Variants in COL6A3 observed in about 807,000 individuals in gnomAD.
The protein encoded by COL6A3 is collagen type VI alpha 3 chain, also known as collagen alpha-3(VI) chain.
In COL6A3, 137 loss-of-function variants were observed where a neutral mutation model predicts 274.1. That is an observed-to-expected ratio of 0.50 (90% confidence interval 0.44 to 0.58). COL6A3 has a LOEUF of 0.58. Ranked by LOEUF, COL6A3 falls within the 20% of genes least tolerant of loss-of-function variation. The pLI is 0.00. For synonymous variants in COL6A3, 1,650 were observed against 1,650.6 expected (o/e 1.00, Z 0.01); for missense variants, 3,950 against 4,124.9 (o/e 0.96, Z 1.16).
chr2:237,369,483 T>C (rs1201891046), intron 9 of COL6A3, among the ~76,000 whole-genome samples: 1 of 152,238 alleles, frequency 6.6e-6, no homozygotes, highest in African/African-American at 2.4e-5. Context: ...CATTTAGAAA[T>C]CAATCTTGGG....
At chr2:237,395,686 G>A (rs1251035556) in intron 2 of COL6A3, among the ~76,000 whole-genome samples, 3 of 152,120 alleles carry the variant, frequency 2.0e-5, no homozygotes, top group Non-Finnish European at 2.9e-5. Flanking sequence ...CAATGCTTTG[G>A]GTAATTTGCG....
chr2:237,399,451 C>A (rs2106395091), intron 1 of COL6A3, among the ~76,000 whole-genome samples: 1 of 152,314 alleles, frequency 6.6e-6, no homozygotes, highest in East Asian at 1.9e-4. Context: ...TGAACTCTAA[C>A]TACCATTCTC....
At chr2:237,349,501 A>G (rs945703613) in intron 28 of COL6A3, among the ~76,000 whole-genome samples, 3 of 152,270 alleles carry the variant, frequency 2.0e-5, no homozygotes, top group Non-Finnish European at 4.4e-5. Flanking sequence ...AGACAGAAAA[A>G]TATTTTGATG....
Position 237,396,765 on chromosome 2 carries a change from G to A in COL6A3, c.53C>T (p.Ser18Leu). 6.2e-7 allele frequency: 1 copy of A among 1,614,198 alleles called. No individual in the cohort carries two copies. The highest frequency in any genetic ancestry group is 1.7e-5 in the Admixed American group (1 of 60,030). ...PLVAVFCLFL[S>L]GFPTTHAQQQ... ...CTGGGCATGAGTTGTAGGAAAGCCT[G>A]AGAGAAAGAGGCAAAAGACGGCCAC... The change falls in exon 2 of 44, where the codon TCA becomes TTA. Residue 18 changes from serine (S) to leucine (L), a missense_variant. Transcript: ENST00000295550.
At chr2:237,356,889 G>A (rs1437287963) in intron 23 of COL6A3, 2 of 218,988 alleles carry the variant, frequency 9.1e-6, no homozygotes, top group Non-Finnish European at 1.8e-5. Context: ...GATGCAATAC[G>A]CCAGAAAAAG....
chr2:237,347,765 G>T (rs566591454), intron 31 of COL6A3, 42 bp downstream of exon 31: 8 of 1,560,134 alleles, frequency 5.1e-6, no homozygotes, highest in Non-Finnish European at 6.1e-6. Context: ...TGAGACATAC[G>T]TTCTCATTCC....
chr2:237,366,128 A>T (rs978213474), intron 11 of COL6A3, 93 bp from the exon 12 acceptor site: 29 of 1,126,400 alleles, frequency 2.6e-5, no homozygotes, highest in Non-Finnish European at 3.8e-5. Flanking sequence ...CAGGCAGAGG[A>T]CCAGGGCATC....
chr2:237,371,994 G>A lies in COL6A3; in HGVS notation c.4023C>T (p.Val1341=), dbSNP rs2077703023. ...RIEEGVPQFL[V]LISSGKSDDE... ...CGTCAGACTTTCCAGACGAGATGAG[G>A]ACCAGGAACTGCGGGACGCCCTCTT... The change falls in exon 9 of 44, where the codon GTC becomes GTT. Residue 1341 remains valine, a synonymous_variant. Coordinates refer to ENST00000295550, the MANE Select transcript of COL6A3 (RefSeq NM_004369.4). This position sits in a 1 kb window ranked among gnomAD's most constrained non-coding sequence, Gnocchi z 4.3. 1 of 1,614,106 alleles carries A rather than the reference G, an allele frequency of 6.2e-7. No homozygotes were observed. The highest frequency in any genetic ancestry group is 8.5e-7 in the Non-Finnish European group (1 of 1,180,020).
Position 237,372,114 on chromosome 2 carries a change from C to T in COL6A3, c.3903G>A (p.Arg1301=), listed in dbSNP as rs1407770118. The part of the protein sequence containing the change: ...SKDEVQNAVQ[R]LRPKGGRQIN... ...TCTGCCGCCCTCCCTTGGGCCTCAGCCGCTGCACCGCGTTCTGCACTTCAT... is the reference window on the plus strand; with the variant it reads ...TCTGCCGCCCTCCCTTGGGCCTCAGTCGCTGCACCGCGTTCTGCACTTCAT... The change falls in exon 9 of 44, where the codon CGG becomes CGA. Residue 1301 remains arginine (R), a synonymous_variant. Transcript: ENST00000295550. The T allele has an allele frequency of 1.9e-6, 3 of 1,613,918 alleles. No homozygotes were observed. In the African/African-American group the frequency reaches 4.0e-5, roughly 22 times the overall value.
intron 4 of COL6A3, among the ~76,000 whole-genome samples, chr2:237,382,590 G>C (rs886254371): frequency 2.0e-5 from 3 of 152,192 alleles, no homozygotes; most frequent in Admixed American, 1.3e-4. Context: ...AAACCTGACA[G>C]AGATTCCAAG....
At chr2:237,395,871 A>G (rs1057184557) in intron 2 of COL6A3, among the ~76,000 whole-genome samples, 1 of 152,198 alleles carries the variant, frequency 6.6e-6, no homozygotes. Context: ...AACATTATCT[A>G]TCTCATTTCC....
intron 7 of COL6A3, 34 bp from the exon 8 acceptor site, chr2:237,375,054 A>C (rs1482856311): frequency 6.2e-7 from 1 of 1,611,310 alleles, no homozygotes; most frequent in Non-Finnish European, 8.5e-7. Flanking sequence ...CTCACACAGG[A>C]CATCAGAGCA....
chr2:237,373,743 G>A (rs2106359798), intron 8 of COL6A3, among the ~76,000 whole-genome samples: 1 of 152,292 alleles, frequency 6.6e-6, no homozygotes, highest in Non-Finnish European at 1.5e-5. Flanking sequence ...GGCCCTTGGA[G>A]GACATTTATT....
intron 27 of COL6A3, among the ~76,000 whole-genome samples, chr2:237,350,706 T>C (rs1228459575): frequency 2.0e-5 from 3 of 152,196 alleles, no homozygotes; most frequent in Admixed American, 6.5e-5. Context: ...TTGGATGATC[T>C]AAATGTGATT....
At position 237,394,579 on chromosome 2, in the gene COL6A3, G is replaced by A. The variant is rs779535244; in HGVS notation, c.709+8C>T. The stretch of plus-strand genomic sequence containing the variant: ...GGGCAGGGCGTAGCTTGGTGGCGTT[G>A]CCATTACCTGTGATGTCTTTAAGGG... On this transcript the variant is annotated splice_region_variant and intron_variant, in intron 3 of 43. Transcript: ENST00000295550. 3.5e-5 allele frequency: 57 copies of A among 1,613,726 alleles called. No homozygotes were observed. Among genetic ancestry groups the A allele is most frequent in the Non-Finnish European group, 4.4e-5 (52 of 1,180,040 alleles).
chr2:237,391,504 CTG>C (rs1210538094), intron 3 of COL6A3, among the ~76,000 whole-genome samples: 1 of 150,050 alleles, frequency 6.7e-6, no homozygotes, highest in Non-Finnish European at 1.5e-5. Context: ...GTCCCTTTCA[CTG>C]TTTGTTTGTT....
rs201306056 is a variant in COL6A3, at chr2:237,394,924, G to T, written c.372C>A (p.Tyr124Ter). The change falls in exon 3 of 44, where the codon TAC (tyrosine) becomes TAA (stop). Residue 124 changes from tyrosine to a stop codon, truncating the protein, a stop_gained. Coordinates refer to ENST00000295550, the MANE Select transcript of COL6A3 (RefSeq NM_004369.4). LOFTEE classifies it high-confidence loss of function. Reference sequence around the variant, plus strand: ...CCTTGGTGAGGTGGCTTTGCATTATGTATTCTAATCCTTTTCCAGTCTGAT... The same window carrying T: ...CCTTGGTGAGGTGGCTTTGCATTATTTATTCTAATCCTTTTCCAGTCTGAT... ...GTNQTGKGLE[Y>*]IMQSHLTKAA... 2 of 1,613,474 alleles carry T rather than the reference G, an allele frequency of 1.2e-6. No homozygotes were observed. Among genetic ancestry groups the T allele is most frequent in the East Asian group, 4.5e-5 (2 of 44,864 alleles).
chr2:237,341,458 C>T (rs773424087), intron 37 of COL6A3, among the ~76,000 whole-genome samples: 5 of 145,736 alleles, frequency 3.4e-5, no homozygotes, highest in African/African-American at 1.0e-4. Flanking sequence ...GCAGGAGAAT[C>T]GCTTGAACCC....
intron 3 of COL6A3, among the ~76,000 whole-genome samples, chr2:237,390,551 G>T (rs937470823): frequency 2.0e-5 from 3 of 152,136 alleles, no homozygotes; most frequent in African/African-American, 7.2e-5. Flanking sequence ...AAATTGTCTG[G>T]TTTTCTGCTT....
Sources: allele counts gnomAD v4.1 joint callset (sites outside exome capture counted in the v4.1 genomes callset), GRCh38; gene constraint gnomAD v4.1.1; non-coding constraint Gnocchi (gnomAD v3.1); transcripts MANE v1.5; gene names NCBI Gene and HGNC (gene_info 2026-07-23, HGNC 2026-07-21).